ARHGEF9: variants seen among roughly 807,000 people sequenced by gnomAD.
ARHGEF9 encodes the protein Cdc42 guanine nucleotide exchange factor 9.
In ARHGEF9, 2 loss-of-function variants were observed where a neutral mutation model predicts 41.3. That is an observed-to-expected ratio of 0.05 (90% CI 0.02 to 0.15). The LOEUF is 0.15. Ranked by LOEUF, ARHGEF9 falls within the 10% of genes least tolerant of loss-of-function variation. ARHGEF9 has a pLI of 1.00. For synonymous variants in ARHGEF9, 160 were observed against 154.4 expected (o/e 1.04, Z -0.27); for missense variants, 225 against 424.7 (o/e 0.53, Z 4.13).
At chrX:63,677,095 A>G (rs2050306126) in intron 5 of ARHGEF9, among the ~76,000 whole-genome samples, 1 of 111,733 alleles carries the variant, frequency 8.9e-6, no homozygotes, top group South Asian at 3.8e-4. Context: ...GCCCATCTCT[A>G]ACCTGTCCTA....
chrX:63,673,270 C>G (rs1338779290), intron 6 of ARHGEF9, among the ~76,000 whole-genome samples: 2 of 111,303 alleles, frequency 1.8e-5, no homozygotes, highest in Non-Finnish European at 1.9e-5. Flanking sequence ...GCAGACCCTA[C>G]CTCTATATTG....
In ARHGEF9 at chrX:63,635,263, T is replaced by C. The variant is rs1328100907; in HGVS notation, c.*2765A>G. ...TCTTGTTGCTGTTCTTATAGATCCA[T>C]TAGAAATATACACATAGAGAGGGGG... On this transcript the variant is annotated 3_prime_UTR_variant, in exon 10 of 10. Coordinates refer to ENST00000671741, the MANE Select transcript of ARHGEF9 (RefSeq NM_001353921.2). The C allele has an allele frequency of 2.6e-6, 1 of 391,150 alleles. No individual in the cohort carries two copies. The highest frequency in any genetic ancestry group is 2.7e-5 in the African/African-American group (1 of 36,895). The allele number at this position is 391,150 out of a possible 1,213,427, so 32.2% of individuals were successfully genotyped here.
intron 8 of ARHGEF9, among the ~76,000 whole-genome samples, chrX:63,645,770 G>T (rs1185724891): frequency 1.8e-5 from 2 of 111,506 alleles, no homozygotes; most frequent in Non-Finnish European, 3.8e-5. Flanking sequence ...GGTCAAATGG[G>T]ATTTCTAGTT....
chrX:63,776,873 C>T (rs1259468550), intron 1 of ARHGEF9, among the ~76,000 whole-genome samples: 5 of 111,359 alleles, frequency 4.5e-5, no homozygotes, highest in Admixed American at 1.9e-4. Flanking sequence ...TCATCAATAC[C>T]TCCCAATCCC....
intron 9 of ARHGEF9, chrX:63,638,511 G>T (rs1378549476): frequency 2.5e-6 from 1 of 393,241 alleles, no homozygotes; most frequent in African/African-American, 2.5e-5. Context: ...TATACCCAAG[G>T]TCACATGGTA....
chrX:63,730,884 A>C (rs1468525588), intron 1 of ARHGEF9, among the ~76,000 whole-genome samples: 2 of 111,685 alleles, frequency 1.8e-5, no homozygotes, highest in Admixed American at 9.4e-5. Flanking sequence ...ACAGGAAAAA[A>C]CTTGGGATTA....
intron 9 of ARHGEF9, chrX:63,638,517 T>A (rs2047433858): frequency 5.1e-6 from 2 of 393,664 alleles, no homozygotes; most frequent in African/African-American, 4.9e-5. Flanking sequence ...CAAGGTCACA[T>A]GGTAAGTTAG....
intron 4 of ARHGEF9, among the ~76,000 whole-genome samples, chrX:63,679,628 T>C (rs1204626635): frequency 8.9e-6 from 1 of 111,876 alleles, no homozygotes; most frequent in African/African-American, 3.2e-5. Context: ...TCAATAATGC[T>C]GAATAAGCAT....
At chrX:63,771,040 G>T (rs1287518148) in intron 1 of ARHGEF9, among the ~76,000 whole-genome samples, 1 of 112,286 alleles carries the variant, frequency 8.9e-6, no homozygotes, top group African/African-American at 3.2e-5. Context: ...AACATCTATT[G>T]TTTGTAGACT....
intron 5 of ARHGEF9, 75 bp downstream of exon 5, chrX:63,678,265 G>C: frequency 3.4e-6 from 3 of 890,505 alleles, no homozygotes. Flanking sequence ...AAGGGCAAAA[G>C]GACATGTATT....
rs2047377614 is a variant in ARHGEF9 at position 63,637,798 on chromosome X, T to A, written c.*230A>T. 9 of 298,802 alleles carry A rather than the reference T, an allele frequency of 3.0e-5. No individual in the cohort carries two copies. The South Asian group carries it at 1.1e-3, about 36-fold the overall frequency. The allele number at this position is 298,802 out of a possible 1,213,427, so 24.6% of individuals were successfully genotyped here. A position where few individuals can be genotyped will look rare whatever the true frequency, so the allele number is the denominator to read the frequency against. ...TTGGTACCTCTTCCTACCAACCACA[T>A]ATTTCACTTCCCCAAAACAACAGAA... On this transcript the variant is annotated 3_prime_UTR_variant, in exon 10 of 10. Transcript: ENST00000671741.
intron 1 of ARHGEF9, among the ~76,000 whole-genome samples, chrX:63,774,045 ATATCTATC>A (rs3051724): frequency 0.07 from 6,960 of 98,945 alleles, 357 homozygotes; most frequent in African/African-American, 0.16. Flanking sequence ...ATCCATTATA[ATATCTATC>A]TATCTATCTA....
chrX:63,683,660 G>A (rs782397339), intron 4 of ARHGEF9, among the ~76,000 whole-genome samples: 3 of 111,663 alleles, frequency 2.7e-5, no homozygotes, highest in South Asian at 7.5e-4. Flanking sequence ...ATATACCAAT[G>A]TAATAGAATA....
rs1602179922 is a variant in ARHGEF9, at chrX:63,644,119, C to A, written c.1322-71G>T. 9.7e-6 allele frequency: 7 copies of A among 718,445 alleles called. No homozygotes were observed. In the East Asian group the frequency reaches 2.5e-4, roughly 25 times the overall value. 59.2% of individuals were successfully genotyped at this position (718,445 alleles called of 1,213,427 possible). A position where few individuals can be genotyped will look rare whatever the true frequency, so the allele number is the denominator to read the frequency against. On this transcript the variant is annotated intron_variant, in intron 8 of 9. Transcript: ENST00000671741. ...CTTACTGAGTGTATAAATGAGTAAA[C>A]TTTTCTGTAAGAAAGATTTGCTAAG...
chrX:63,755,122 T>A (rs1376964297), intron 1 of ARHGEF9: 1 of 936,919 alleles, frequency 1.1e-6, no homozygotes, highest in Non-Finnish European at 1.3e-6. Flanking sequence ...TCTCTCCCCA[T>A]CCCCCGCTCA....
Position 63,706,419 on chromosome X carries a change from C to T in ARHGEF9, c.241G>A (p.Glu81Lys). 1 of 1,207,839 alleles carries T rather than the reference C, an allele frequency of 8.3e-7. No homozygotes were observed. The highest frequency in any genetic ancestry group is 1.8e-5 in the South Asian group (1 of 56,057). The change falls in exon 3 of 10, where the codon GAG becomes AAG. Residue 81 changes from glutamate to lysine, a missense_variant. Glu to Lys is a moderately conservative substitution (Grantham distance 56). Coordinates refer to ENST00000671741, the MANE Select transcript of ARHGEF9 (RefSeq NM_001353921.2). ...LWVNQEDEVE[E>K]GPSDVQNGHL... ...CCGTTCTGCACATCGCTGGGCCCCT[C>T]CTCCACCTCATCCTCCTGGTTCACC...
intron 6 of ARHGEF9, chrX:63,670,121 C>T (rs782261824): frequency 9.9e-5 from 11 of 111,396 alleles, no homozygotes; most frequent in African/African-American, 3.6e-4. Context: ...CTGATTTCAC[C>T]CCATTCTAAT....
At chrX:63,669,118 G>A (rs1226610225) in intron 6 of ARHGEF9, among the ~76,000 whole-genome samples, 1 of 112,365 alleles carries the variant, frequency 8.9e-6, no homozygotes, top group African/African-American at 3.2e-5. Context: ...TCACATGGCT[G>A]TTTGAGAGCG....
At chrX:63,725,398 G>A (rs1337243710) in intron 1 of ARHGEF9, among the ~76,000 whole-genome samples, 1 of 112,102 alleles carries the variant, frequency 8.9e-6, no homozygotes, top group African/African-American at 3.2e-5. Flanking sequence ...AGATACAGTA[G>A]GGGGAGAGGT....
Sources: allele counts gnomAD v4.1 joint callset (sites outside exome capture counted in the v4.1 genomes callset), GRCh38; gene constraint gnomAD v4.1.1; transcripts MANE v1.5; gene names NCBI Gene and HGNC (gene_info 2026-07-23, HGNC 2026-07-21).